ORM2: variants seen among roughly 807,000 people sequenced by gnomAD.
ORM2 encodes the protein orosomucoid 2.
In ORM2, 19 loss-of-function variants were observed where a neutral mutation model predicts 26.8. That is an observed-to-expected ratio of 0.71 (90% confidence interval 0.49 to 1.04). ORM2 has a LOEUF of 1.04. Among genes scored for constraint, ORM2 ranks in the 50% least tolerant of loss-of-function variants. The probability of loss-of-function intolerance (pLI) is 0.00; values close to 1 mark genes in which losing one functional copy is unlikely to be tolerated. For synonymous variants in ORM2, 94 were observed against 100.0 expected (o/e 0.94, Z 0.36); for missense variants, 259 against 244.9 (o/e 1.06, Z -0.39).
chr9:114,332,643 C>T (rs1316444393), intron 5 of ORM2, among the ~76,000 whole-genome samples: 1 of 152,076 alleles, frequency 6.6e-6, no homozygotes, highest in Non-Finnish European at 1.5e-5. Flanking sequence ...TGGGACAGGG[C>T]TTATGAACGC....
chr9:114,330,609 C>T, intron 2 of ORM2, 33 bp downstream of exon 2: 14 of 1,609,836 alleles, frequency 8.7e-6, no homozygotes, highest in Non-Finnish European at 1.2e-5. Context: ...ACCCCCATCT[C>T]AGCTTCTGGC....
chr9:114,331,052 G>A (rs745899697), intron 3 of ORM2, among the ~76,000 whole-genome samples, 190 bp downstream of exon 3: 3 of 152,070 alleles, frequency 2.0e-5, no homozygotes, highest in Non-Finnish European at 2.9e-5. Context: ...GGAAACATAA[G>A]AACAGAGACC....
intron 1 of ORM2, 133 bp downstream of exon 1, chr9:114,330,151 G>T: frequency 6.5e-7 from 1 of 1,532,666 alleles, no homozygotes; most frequent in Non-Finnish European, 8.9e-7. Context: ...TCCCCAGGGT[G>T]AAATTCTCAC....
At chr9:114,332,264 ACC>A (rs1829866409) in intron 5 of ORM2, among the ~76,000 whole-genome samples, 1 of 151,872 alleles carries the variant, frequency 6.6e-6, no homozygotes, top group South Asian at 2.1e-4. Flanking sequence ...CCAGGCTTTC[ACC>A]CCACCTCCAC....
intron 3 of ORM2, 95 bp from the exon 4 acceptor site, chr9:114,331,472 T>C (rs1292497895): frequency 3.0e-6 from 3 of 995,566 alleles, no homozygotes; most frequent in African/African-American, 3.3e-5. Flanking sequence ...CTGATGGGCT[T>C]TGTGGCCCCG....
chr9:114,332,303 A>C (rs1331161819), intron 5 of ORM2, among the ~76,000 whole-genome samples: 1 of 152,164 alleles, frequency 6.6e-6, no homozygotes, highest in African/African-American at 2.4e-5. Context: ...ATACCCGTGC[A>C]GTGGGGAATT....
At chr9:114,332,654 A>T (rs964547875) in intron 5 of ORM2, among the ~76,000 whole-genome samples, 12 of 152,030 alleles carry the variant, frequency 7.9e-5, no homozygotes, top group Non-Finnish European at 1.8e-4. Context: ...TTATGAACGC[A>T]ACCACTGTAG....
In ORM2 at chr9:114,330,466, C is replaced by T. The variant is rs1829832575; in HGVS notation, c.147C>T (p.Ala49=). The T allele has an allele frequency of 6.2e-7, 1 of 1,608,158 alleles. No homozygotes were observed. The highest frequency in any genetic ancestry group is 1.7e-5 in the Admixed American group (1 of 59,862). ...GCAAGTGGTTTTATATCGCATCGGCCTTTCGAAACGAGGAGTACAATAAGT... is the reference window on the plus strand; with the variant it reads ...GCAAGTGGTTTTATATCGCATCGGCTTTTCGAAACGAGGAGTACAATAAGT... ...ITGKWFYIAS[A]FRNEEYNKSV... Residue 49 remains alanine (A), a synonymous_variant, in exon 2 of 6, where the codon GCC becomes GCT. Coordinates refer to ENST00000431067, the MANE Select transcript of ORM2 (RefSeq NM_000608.4).
In ORM2 at chr9:114,333,201, A is replaced by G; in HGVS notation, c.*67A>G. 1 of 1,123,458 alleles carries G rather than the reference A, an allele frequency of 8.9e-7. No homozygotes were observed. The allele number at this position is 1,123,458 out of a possible 1,614,324, so 69.6% of individuals were successfully genotyped here. On this transcript the variant is annotated 3_prime_UTR_variant, in exon 6 of 6. Transcript: ENST00000431067. ...CCTGCCCCTCCAACCCGACATGTGT[A>G]CCTCAGCTTTTTCCCTCACTTGCAT...
chr9:114,331,611 A>G lies in ORM2; in HGVS notation c.373A>G (p.Thr125Ala). ...HVAHLLFLRDTKTLMFGSYLD... is the reference protein window; with the variant it reads ...HVAHLLFLRDAKTLMFGSYLD... ...TGCTCACCTGCTGTTCCTTAGGGAC[A>G]CCAAGACCTTGATGTTTGGTTCCTA... is the stretch of plus-strand genomic sequence containing the variant. Residue 125 changes from threonine (T) to alanine (A), a missense_variant, in exon 4 of 6, where the codon ACC becomes GCC. Around this residue, in one of 2 missense-constraint regions of ORM2, gnomAD observed 251 missense variants for 220.5 expected, o/e 1.14. Coordinates refer to ENST00000431067, the MANE Select transcript of ORM2 (RefSeq NM_000608.4). 2 of 1,614,036 alleles carry G rather than the reference A, an allele frequency of 1.2e-6. No homozygotes were observed. The highest frequency in any genetic ancestry group is 1.7e-6 in the Non-Finnish European group (2 of 1,180,012).
At chr9:114,330,631 A>G in intron 2 of ORM2, 55 bp downstream of exon 2, 3 of 1,604,024 alleles carry the variant, frequency 1.9e-6, no homozygotes, top group South Asian at 1.1e-5. Context: ...AGAAGACCTG[A>G]GCAAGTCCCT....
chr9:114,330,640 C>G, intron 2 of ORM2, 64 bp downstream of exon 2: 8 of 1,600,256 alleles, frequency 5.0e-6, no homozygotes, highest in Non-Finnish European at 6.0e-6. Context: ...GAGCAAGTCC[C>G]TCCTTCTTCC....
At chr9:114,331,159 A>G (rs1471090526) in intron 3 of ORM2, among the ~76,000 whole-genome samples, 1 of 152,098 alleles carries the variant, frequency 6.6e-6, no homozygotes. Flanking sequence ...GCCCTCTTTA[A>G]GATCCTTTGC....
Position 114,330,406 on chromosome 9 carries a change from C to A in ORM2, c.115-28C>A, listed in dbSNP as rs746775692. 1.3e-6 allele frequency: 2 copies of A among 1,555,324 alleles called. 1 individual carries two copies. The highest frequency in any genetic ancestry group is 1.7e-6 in the Non-Finnish European group (2 of 1,143,794). On this transcript the variant is annotated intron_variant, in intron 1 of 5. Coordinates refer to ENST00000431067, the MANE Select transcript of ORM2 (RefSeq NM_000608.4). ...CAGTCAAAGATTCAGCATCAAGCCCCCATCACCAGCTCCCCCCTTCTCCCC... is the reference window on the plus strand; with the variant it reads ...CAGTCAAAGATTCAGCATCAAGCCCACATCACCAGCTCCCCCCTTCTCCCC...
At position 114,330,571 on chromosome 9, in the gene ORM2, G is replaced by C; in HGVS notation, c.252G>C (p.Gln84His). Residue 84 changes from glutamine to histidine, a missense_variant, in exon 2 of 6, where the codon CAG becomes CAC. Physicochemically the swap from Gln to His is conservative, Grantham distance 24 (BLOSUM62 0). Around this residue, in one of 2 missense-constraint regions of ORM2, gnomAD observed 251 missense variants for 220.5 expected, o/e 1.14. Coordinates refer to ENST00000431067, the MANE Select transcript of ORM2 (RefSeq NM_000608.4). ...TEDTIFLREY[Q>H]TRQNQCFYNS... ...ACACGATCTTTCTCAGAGAGTACCA[G>C]ACCCGGTGAGAGCCCCCATTCCAAT... 6.2e-7 allele frequency: 1 copy of C among 1,612,950 alleles called. No individual in the cohort carries two copies.
At chr9:114,331,494 G>T in intron 3 of ORM2, 73 bp from the exon 4 acceptor site, 2 of 1,242,572 alleles carry the variant, frequency 1.6e-6, no homozygotes, top group Non-Finnish European at 2.3e-6. Context: ...ACACACCTAG[G>T]ACTCCTCACC....
chr9:114,330,815 C>G lies in ORM2; in HGVS notation c.281C>G (p.Ser94Cys). The G allele has an allele frequency of 6.2e-7, 1 of 1,613,998 alleles. No individual in the cohort carries two copies. The highest frequency in any genetic ancestry group is 8.5e-7 in the Non-Finnish European group (1 of 1,179,986). The part of the protein sequence containing the change: ...QTRQNQCFYN[S>C]SYLNVQRENG... The stretch of plus-strand genomic sequence containing the variant: ...AGCCAGAACCAGTGCTTCTATAACT[C>G]CAGTTACCTGAATGTCCAGCGGGAG... The change falls in exon 3 of 6, where the codon TCC becomes TGC. Residue 94 changes from serine to cysteine, a missense_variant. This residue lies in a region of ORM2 where 251 missense variants were observed against 220.5 expected (regional missense o/e 1.14). Coordinates refer to ENST00000431067, the MANE Select transcript of ORM2 (RefSeq NM_000608.4).
Position 114,331,599 on chromosome 9 carries a change from T to C in ORM2, c.361T>C (p.Phe121Leu). 6.2e-7 allele frequency: 1 copy of C among 1,613,948 alleles called. No homozygotes were observed. The highest frequency in any genetic ancestry group is 8.5e-7 in the Non-Finnish European group (1 of 1,179,954). ...CCGAGAACATGTTGCTCACCTGCTG[T>C]TCCTTAGGGACACCAAGACCTTGAT... is the stretch of plus-strand genomic sequence containing the variant. ...GGREHVAHLL[F>L]LRDTKTLMFG... Residue 121 changes from phenylalanine to leucine, a missense_variant, in exon 4 of 6, where the codon TTC (phenylalanine) becomes CTC (leucine). Phe to Leu is a conservative substitution (Grantham distance 22). This residue lies in a region of ORM2 where 251 missense variants were observed against 220.5 expected (regional missense o/e 1.14). Transcript: ENST00000431067.
rs771058958 is a variant in ORM2 at position 114,330,100 on chromosome 9, G to T, written c.114+82G>T. 4 of 1,611,524 alleles carry T rather than the reference G, an allele frequency of 2.5e-6. No individual in the cohort carries two copies. In the African/African-American group the frequency reaches 5.4e-5, roughly 22 times the overall value. ...GGCTTCCCTTTACCTGCTGGCTGTG[G>T]TCGCACCCCCACTCCCAGCTCTGCC... On this transcript the variant is annotated intron_variant, in intron 1 of 5. Coordinates refer to ENST00000431067, the MANE Select transcript of ORM2 (RefSeq NM_000608.4).
Sources: allele counts gnomAD v4.1 joint callset (sites outside exome capture counted in the v4.1 genomes callset), GRCh38; gene constraint gnomAD v4.1.1; regional missense constraint gnomAD v4.1.1; transcripts MANE v1.5; gene names NCBI Gene and HGNC (gene_info 2026-07-23, HGNC 2026-07-21).